Variants in FRAS1 observed in about 807,000 individuals in gnomAD.
FRAS1 encodes the protein extracellular matrix organizing protein FRAS1.
In FRAS1, 290 loss-of-function variants were observed where a neutral mutation model predicts 435.2. The observed-to-expected ratio is 0.67, with a 90% CI of 0.61 to 0.73. FRAS1 has a LOEUF of 0.73. Among genes scored for constraint, FRAS1 ranks in the 30% least tolerant of loss-of-function variants. The pLI, the probability that FRAS1 is intolerant of heterozygous loss-of-function variation, is 0.00. For synonymous variants in FRAS1, 1,800 were observed against 1,851.0 expected (o/e 0.97, Z 0.71); for missense variants, 4,860 against 5,001.5 (o/e 0.97, Z 0.85).
intron 3 of FRAS1, among the ~76,000 whole-genome samples, chr4:78,238,561 T>C (rs1301130624): frequency 1.3e-5 from 2 of 152,066 alleles, no homozygotes; most frequent in Non-Finnish European, 2.9e-5. Flanking sequence ...TTAAGAGTAT[T>C]CCTTCATTTC....
intron 25 of FRAS1, 119 bp downstream of exon 25, chr4:78,374,370 G>A: frequency 1.9e-6 from 2 of 1,027,892 alleles, no homozygotes; most frequent in Non-Finnish European, 2.7e-6. Flanking sequence ...AGCCCAGAGG[G>A]CTTAGCCTAA....
At chr4:78,333,146 A>T in intron 18 of FRAS1, 126 bp from the exon 19 acceptor site, 1 of 1,086,888 alleles carries the variant, frequency 9.2e-7, no homozygotes, top group Non-Finnish European at 1.3e-6. Flanking sequence ...GCAGCCTGTC[A>T]TTGGGAAAAC....
chr4:78,435,424 A>G lies in FRAS1; in HGVS notation c.5217+2820A>G, dbSNP rs1029639636. 2.0e-5 allele frequency among the ~76,000 whole-genome samples: 3 copies of G among 152,346 alleles called. No individual in the cohort carries two copies. In the East Asian group the frequency reaches 5.8e-4, roughly 29 times the overall value. ...TATTAGACAATCCAAAAGCAGACTC[A>G]CACATGGAACTGTAATATAAAACAG... On this transcript the variant is annotated intron_variant, in intron 38 of 73. Coordinates refer to ENST00000512123, the MANE Select transcript of FRAS1 (RefSeq NM_025074.7).
Position 78,057,952 on chromosome 4 carries a change from G to A in FRAS1, c.-58G>A. On this transcript the variant is annotated 5_prime_UTR_variant, in exon 1 of 74. Transcript: ENST00000512123. The surrounding 1 kb of genome is among the most constrained non-coding windows in gnomAD (Gnocchi z 4.2). ...CAAGCGCCGGAGCCAGCGTTTTGGCGGAGCCGCTTCTTGGATGCTGAAGGC... is the reference window on the plus strand; with the variant it reads ...CAAGCGCCGGAGCCAGCGTTTTGGCAGAGCCGCTTCTTGGATGCTGAAGGC... The A allele has an allele frequency of 6.4e-7, 1 of 1,555,056 alleles. No homozygotes were observed. The highest frequency in any genetic ancestry group is 8.9e-7 in the Non-Finnish European group (1 of 1,129,616).
At chr4:78,406,456 A>T (rs568756944) in intron 30 of FRAS1, among the ~76,000 whole-genome samples, 3 of 152,336 alleles carry the variant, frequency 2.0e-5, no homozygotes, top group East Asian at 3.9e-4. Flanking sequence ...ACATGGCAGC[A>T]GCAAGAGAAA....
intron 14 of FRAS1, among the ~76,000 whole-genome samples, chr4:78,290,747 G>A (rs1169743594): frequency 6.7e-6 from 1 of 149,550 alleles, no homozygotes; most frequent in Non-Finnish European, 1.5e-5. Flanking sequence ...ACCACACCTG[G>A]CCTCATTTTT....
At chr4:78,062,639 T>C (rs1009590730) in intron 1 of FRAS1, among the ~76,000 whole-genome samples, 3 of 152,174 alleles carry the variant, frequency 2.0e-5, no homozygotes, top group African/African-American at 7.2e-5. Context: ...TCTCCAAAAA[T>C]ACTAGATTTT....
chr4:78,536,683 GC>G (rs1209213889), intron 71 of FRAS1, among the ~76,000 whole-genome samples: 1 of 152,088 alleles, frequency 6.6e-6, no homozygotes, highest in Non-Finnish European at 1.5e-5. Flanking sequence ...CCTCTCAACT[GC>G]ATCTCACACA....
chr4:78,451,727 C>T, intron 45 of FRAS1, 45 bp from the exon 46 acceptor site: 3 of 1,503,860 alleles, frequency 2.0e-6, no homozygotes, highest in Non-Finnish European at 2.7e-6. Flanking sequence ...GAAATAAGGG[C>T]AGAAAGCACT....
intron 13 of FRAS1, chr4:78,286,125 C>T: frequency 2.0e-6 from 1 of 501,668 alleles, no homozygotes; most frequent in Non-Finnish European, 3.8e-6. Flanking sequence ...GTTGTTTAAT[C>T]TCCCTGAGTC....
chr4:78,466,126 T>C, intron 49 of FRAS1, 82 bp from the exon 50 acceptor site: 1 of 1,119,268 alleles, frequency 8.9e-7, no homozygotes, highest in Non-Finnish European at 1.3e-6. Flanking sequence ...TCTACTACCC[T>C]TGATCAGCAA....
At chr4:78,320,340 C>T (rs1461508565) in intron 18 of FRAS1, among the ~76,000 whole-genome samples, 1 of 152,222 alleles carries the variant, frequency 6.6e-6, no homozygotes, top group African/African-American at 2.4e-5. Context: ...CAGCCTTCCC[C>T]TGTGGTCTGG....
intron 28 of FRAS1, among the ~76,000 whole-genome samples, chr4:78,385,800 G>T (rs952945231): frequency 6.6e-6 from 1 of 151,402 alleles, no homozygotes; most frequent in African/African-American, 2.4e-5. Flanking sequence ...CAGGAGACTC[G>T]CTTGAACCCG....
rs376531 is a variant in FRAS1, at chr4:78,339,889, A to G, written c.2422+2072A>G. ...CAACTTGTATGGAAAATGGACTAAC[A>G]TAAGGAGAGATTAGAGTCAGGGAGA... On this transcript the variant is annotated intron_variant, in intron 20 of 73. Coordinates refer to ENST00000512123, the MANE Select transcript of FRAS1 (RefSeq NM_025074.7). Among the ~76,000 whole-genome samples the G allele has an allele frequency of 6.1e-3, 931 of 152,330 alleles. 11 individuals are homozygous for G. The highest frequency in any genetic ancestry group is 0.021 in the African/African-American group (882 of 41,578).
chr4:78,525,275 CACAT>C (rs1445125610), intron 69 of FRAS1, among the ~76,000 whole-genome samples: 2 of 152,162 alleles, frequency 1.3e-5, no homozygotes, highest in African/African-American at 4.8e-5. Flanking sequence ...GGTTACTATC[CACAT>C]TATAGGTGTC....
chr4:78,085,085 A>G (rs950402950), intron 2 of FRAS1, among the ~76,000 whole-genome samples: 1 of 152,086 alleles, frequency 6.6e-6, no homozygotes. Context: ...CAATGAAAAA[A>G]TTTTGGGGAG....
intron 6 of FRAS1, among the ~76,000 whole-genome samples, chr4:78,262,845 C>G (rs1192231640): frequency 6.6e-6 from 1 of 152,106 alleles, no homozygotes; most frequent in Non-Finnish European, 1.5e-5. Flanking sequence ...CTAGGGTTGG[C>G]AAACTTTTTC....
At chr4:78,410,480 T>A (rs773349116) in intron 31 of FRAS1, among the ~76,000 whole-genome samples, 1 of 151,730 alleles carries the variant, frequency 6.6e-6, no homozygotes, top group Non-Finnish European at 1.5e-5. Flanking sequence ...GATGAAGACA[T>A]CCAGTTGAAT....
At chr4:78,408,151 T>C (rs1179545163) in intron 31 of FRAS1, among the ~76,000 whole-genome samples, 1 of 152,164 alleles carries the variant, frequency 6.6e-6, no homozygotes, top group African/African-American at 2.4e-5. Context: ...AAACTTCTTA[T>C]AAACCATAAG....
Sources: gnomAD v4.1 joint callset for allele counts (sites outside exome capture counted in the v4.1 genomes callset) on GRCh38, gnomAD v4.1.1 for gene constraint, Gnocchi (gnomAD v3.1) non-coding constraint, MANE v1.5 for transcripts, NCBI Gene and HGNC (gene_info 2026-07-23, HGNC 2026-07-21) for gene names.